The following GPC5 variants were observed in gnomAD, a reference collection of about 807,000 sequenced individuals.
GPC5 encodes glypican-5.
Under a neutral mutation model 53.9 loss-of-function variants are expected in GPC5, and 47 were observed. The ratio of observed to expected loss-of-function variants is 0.87; its 90% CI spans 0.69 to 1.11. The LOEUF (loss-of-function observed/expected upper bound fraction) is 1.11, where lower values mean the gene tolerates loss of function less well. GPC5 is among the 50% of genes most tolerant of loss of function. The pLI, the probability that GPC5 is intolerant of heterozygous loss-of-function variation, is 0.00. For synonymous variants in GPC5, 286 were observed against 263.3 expected, an observed-to-expected ratio of 1.09 and a Z score of -0.84; for missense variants, 748 against 713.1, an observed-to-expected ratio of 1.05 and a Z score of -0.56.
chr13:91,967,634 C>A (rs1248855339), intron 6 of GPC5, among the ~76,000 whole-genome samples: 2 of 151,926 alleles, frequency 1.3e-5, no homozygotes, highest in Non-Finnish European at 2.9e-5. Flanking sequence ...TTAAATACAT[C>A]ATTTCCATGG....
At chr13:91,439,335 G>GA (rs1327129006) in intron 1 of GPC5, among the ~76,000 whole-genome samples, 3 of 151,886 alleles carry the variant, frequency 2.0e-5, no homozygotes, top group South Asian at 2.1e-4. Context: ...AGCTCCCTGA[G>GA]AAAAAAAAGA....
At chr13:92,019,380 A>T (rs929011981) in intron 6 of GPC5, among the ~76,000 whole-genome samples, 3 of 152,086 alleles carry the variant, frequency 2.0e-5, no homozygotes, top group Non-Finnish European at 4.4e-5. Context: ...ATTGTAACAG[A>T]TTATTGAATA....
intron 6 of GPC5, among the ~76,000 whole-genome samples, chr13:92,034,288 G>C (rs924734576): frequency 6.6e-6 from 1 of 152,124 alleles, no homozygotes; most frequent in Admixed American, 6.5e-5. Context: ...TTCAGGTCAG[G>C]AGTTCAAGAC....
At chr13:91,897,803 T>C (rs78008812) in intron 5 of GPC5, among the ~76,000 whole-genome samples, 147 of 152,238 alleles carry the variant, frequency 9.7e-4, no homozygotes, top group African/African-American at 3.5e-3. Context: ...CTCATTGGTG[T>C]TTATCTGCTG....
At chr13:91,407,168 T>C (rs1260462294) in intron 1 of GPC5, among the ~76,000 whole-genome samples, 1 of 152,208 alleles carries the variant, frequency 6.6e-6, no homozygotes, top group African/African-American at 2.4e-5. Flanking sequence ...GAATGAGAAA[T>C]ATAGAGAGTG....
At chr13:92,605,463 A>G (rs1476793778) in intron 7 of GPC5, among the ~76,000 whole-genome samples, 1 of 152,218 alleles carries the variant, frequency 6.6e-6, no homozygotes, top group Non-Finnish European at 1.5e-5. Flanking sequence ...CATTTTTGGC[A>G]AAAGAGTAGT....
intron 5 of GPC5, among the ~76,000 whole-genome samples, chr13:91,772,814 G>A (rs2037648121): frequency 1.3e-5 from 2 of 152,118 alleles, no homozygotes; most frequent in Admixed American, 1.3e-4. Context: ...AAGAAACCCT[G>A]AGAGTAGGGT....
chr13:92,117,827 A>T (rs2041612956), intron 6 of GPC5, among the ~76,000 whole-genome samples: 1 of 152,198 alleles, frequency 6.6e-6, no homozygotes, highest in Admixed American at 6.5e-5. Context: ...CTAAACTCAC[A>T]TATTGAGCAT....
intron 3 of GPC5, among the ~76,000 whole-genome samples, chr13:91,697,603 GTATTTTTAA>G (rs1216203271): frequency 6.6e-6 from 1 of 151,866 alleles, no homozygotes; most frequent in Non-Finnish European, 1.5e-5. Context: ...AGTCTCTAAC[GTATTTTTAA>G]TATTAACGGA....
chr13:92,479,484 G>C (rs918750061), intron 7 of GPC5, among the ~76,000 whole-genome samples: 2 of 152,216 alleles, frequency 1.3e-5, no homozygotes, highest in African/African-American at 4.8e-5. Context: ...AGAGTGGTCT[G>C]AGGAGAGAAT....
intron 3 of GPC5, among the ~76,000 whole-genome samples, chr13:91,697,180 G>A (rs2035895808): frequency 1.3e-5 from 2 of 152,122 alleles, no homozygotes; most frequent in Middle Eastern, 3.4e-3. Flanking sequence ...GTCTTGCTCT[G>A]TCACCAGGCT....
intron 3 of GPC5, among the ~76,000 whole-genome samples, chr13:91,726,436 G>A (rs774898863): frequency 2.0e-5 from 3 of 152,132 alleles, no homozygotes; most frequent in African/African-American, 4.8e-5. Flanking sequence ...GCAACCATCA[G>A]GAGCTTTTAT....
chr13:91,483,772 C>G (rs1371375767), intron 2 of GPC5, among the ~76,000 whole-genome samples: 1 of 152,124 alleles, frequency 6.6e-6, no homozygotes, highest in Non-Finnish European at 1.5e-5. Context: ...CTTAGAAACT[C>G]CAAATTTAAG....
intron 7 of GPC5, among the ~76,000 whole-genome samples, chr13:92,239,398 C>A (rs1052739819): frequency 6.6e-6 from 1 of 151,862 alleles, no homozygotes; most frequent in Non-Finnish European, 1.5e-5. Context: ...CTTATTGATG[C>A]AAAATCATTC....
chr13:91,493,546 A>C (rs1300903071), intron 2 of GPC5, among the ~76,000 whole-genome samples: 1 of 151,984 alleles, frequency 6.6e-6, no homozygotes, highest in Non-Finnish European at 1.5e-5. Context: ...GTCTATCTCC[A>C]TGAGTCTAAT....
chr13:92,763,352 A>G (rs758936158), intron 7 of GPC5, among the ~76,000 whole-genome samples: 9 of 144,922 alleles, frequency 6.2e-5, no homozygotes, highest in Non-Finnish European at 1.2e-4. Flanking sequence ...TACAGCTTCC[A>G]TTCAGCTTCT....
At chr13:92,120,450 G>A (rs1256026790) in intron 6 of GPC5, among the ~76,000 whole-genome samples, 1 of 151,824 alleles carries the variant, frequency 6.6e-6, no homozygotes. Flanking sequence ...TGTAGAGATG[G>A]GGTCTCACTA....
At chr13:91,774,342 T>C (rs2037674376) in intron 5 of GPC5, among the ~76,000 whole-genome samples, 2 of 152,182 alleles carry the variant, frequency 1.3e-5, no homozygotes, top group Admixed American at 1.3e-4. Flanking sequence ...GAAGAATTTC[T>C]ATGTGATTTT....
At chr13:92,416,949 G>T (rs1021668653) in intron 7 of GPC5, among the ~76,000 whole-genome samples, 10 of 152,034 alleles carry the variant, frequency 6.6e-5, no homozygotes, top group African/African-American at 2.2e-4. Flanking sequence ...GTTACTATAA[G>T]TCAAAAAGGC....
Sources: allele counts gnomAD v4.1 joint callset (sites outside exome capture counted in the v4.1 genomes callset), GRCh38; gene constraint gnomAD v4.1.1; transcripts MANE v1.5; gene names NCBI Gene and HGNC (gene_info 2026-07-23, HGNC 2026-07-21).